Variants in GABRG3 observed in about 807,000 individuals in gnomAD.
GABRG3 encodes the protein gamma-aminobutyric acid receptor subunit gamma-3.
Under a neutral mutation model 48.8 loss-of-function variants are expected in GABRG3, and 25 were observed. That is an observed-to-expected ratio of 0.51 (90% CI 0.37 to 0.72). The LOEUF (loss-of-function observed/expected upper bound fraction) is 0.72. Among genes scored for constraint, GABRG3 ranks in the 30% least tolerant of loss-of-function variants. The probability of loss-of-function intolerance (pLI) is 0.00; values close to 1 mark genes in which losing one functional copy is unlikely to be tolerated. For missense variants in GABRG3, 394 were observed against 577.9 expected (o/e 0.68, Z 3.26); for synonymous variants, 227 against 217.6 (o/e 1.04, Z -0.38).
chr15:26,973,451 T>C (rs1894881475), intron 1 of GABRG3, among the ~76,000 whole-genome samples: 1 of 152,256 alleles, frequency 6.6e-6, no homozygotes, highest in African/African-American at 2.4e-5. Flanking sequence ...GTGTCTTTGT[T>C]CTCTGAATGG....
intron 5 of GABRG3, chr15:27,419,093 C>G (rs1245920954): frequency 6.6e-6 from 1 of 152,252 alleles, no homozygotes; most frequent in African/African-American, 2.4e-5. Context: ...CACTTTTCAA[C>G]TGCCACATTG....
chr15:27,458,690 C>CA (rs36008927), intron 5 of GABRG3, among the ~76,000 whole-genome samples: 22,439 of 145,556 alleles, frequency 0.15, 2,667 homozygotes, highest in African/African-American at 0.34. Context: ...ATGCCTCTGA[C>CA]AAAAAAAAAA....
At chr15:27,277,517 T>C (rs567282153) in intron 3 of GABRG3, among the ~76,000 whole-genome samples, 1 of 152,314 alleles carries the variant, frequency 6.6e-6, no homozygotes, top group South Asian at 2.1e-4. Context: ...AGGAGATTGA[T>C]AGCCATAATT....
intron 3 of GABRG3, among the ~76,000 whole-genome samples, chr15:27,261,940 G>T (rs560596296): frequency 3.8e-4 from 58 of 152,202 alleles, no homozygotes; most frequent in Non-Finnish European, 7.5e-4. Context: ...TCTTATGTAT[G>T]CCCAAAACCT....
intron 3 of GABRG3, among the ~76,000 whole-genome samples, chr15:27,227,627 C>G (rs546592064): frequency 1.1e-4 from 16 of 152,044 alleles, no homozygotes; most frequent in Non-Finnish European, 1.8e-4. Flanking sequence ...TTCAAGACTC[C>G]AGTGAGCTGT....
At chr15:27,364,114 G>T (rs1895113613) in intron 5 of GABRG3, 1 of 152,220 alleles carries the variant, frequency 6.6e-6, no homozygotes, top group African/African-American at 2.4e-5. Flanking sequence ...ATGTAATTGT[G>T]CAGTGACTTC....
At chr15:27,346,286 T>G (rs1209905005) in intron 5 of GABRG3, among the ~76,000 whole-genome samples, 1 of 152,232 alleles carries the variant, frequency 6.6e-6, no homozygotes, top group Non-Finnish European at 1.5e-5. Flanking sequence ...GAAGTACATT[T>G]GAATTCTTGT....
chr15:27,062,425 C>T (rs1295815989), intron 3 of GABRG3, among the ~76,000 whole-genome samples: 1 of 55,744 alleles, frequency 1.8e-5, no homozygotes, highest in Non-Finnish European at 5.5e-5. Context: ...GGTGAAACTC[C>T]ATCTCTACTA....
chr15:27,234,426 G>T (rs1195653190), intron 3 of GABRG3, among the ~76,000 whole-genome samples: 1 of 152,148 alleles, frequency 6.6e-6, no homozygotes, highest in African/African-American at 2.4e-5. Flanking sequence ...CTGTACAATG[G>T]AAATAACAAT....
chr15:27,455,989 G>T (rs997651505), intron 5 of GABRG3, among the ~76,000 whole-genome samples: 2 of 152,184 alleles, frequency 1.3e-5, no homozygotes, highest in African/African-American at 2.4e-5. Context: ...CTGTGGTTGA[G>T]AGTCCACAGC....
At chr15:27,314,496 A>G (rs1248723523) in intron 3 of GABRG3, among the ~76,000 whole-genome samples, 1 of 152,202 alleles carries the variant, frequency 6.6e-6, no homozygotes, top group Non-Finnish European at 1.5e-5. Context: ...TATGGAAAAC[A>G]GTATGGAGAT....
At chr15:27,401,990 G>T (rs1332995231) in intron 5 of GABRG3, among the ~76,000 whole-genome samples, 2 of 152,010 alleles carry the variant, frequency 1.3e-5, no homozygotes, top group Non-Finnish European at 2.9e-5. Context: ...ACACTGTCAG[G>T]GATTTTTAAA....
intron 3 of GABRG3, among the ~76,000 whole-genome samples, chr15:27,249,290 G>A (rs1262446490): frequency 2.0e-5 from 3 of 152,206 alleles, no homozygotes; most frequent in Non-Finnish European, 2.9e-5. Context: ...GCATGAAACC[G>A]CGGGGCTGGG....
chr15:27,298,204 T>A (rs1892068463), intron 3 of GABRG3, among the ~76,000 whole-genome samples: 1 of 152,186 alleles, frequency 6.6e-6, no homozygotes, highest in African/African-American at 2.4e-5. Context: ...CCCTCTAAGA[T>A]GTTGTCTGTA....
At chr15:27,110,243 A>T (rs1897522974) in intron 3 of GABRG3, among the ~76,000 whole-genome samples, 2 of 152,162 alleles carry the variant, frequency 1.3e-5, no homozygotes, top group Admixed American at 1.3e-4. Context: ...ATGTCAAATT[A>T]CTTTCAAATA....
At chr15:26,998,768 A>G (rs920919493) in intron 2 of GABRG3, among the ~76,000 whole-genome samples, 3 of 152,166 alleles carry the variant, frequency 2.0e-5, no homozygotes, top group African/African-American at 7.2e-5. Flanking sequence ...TACCCAGCAT[A>G]GAGTATCAGA....
intron 5 of GABRG3, among the ~76,000 whole-genome samples, chr15:27,331,678 A>C (rs1163807872): frequency 6.6e-6 from 1 of 152,222 alleles, no homozygotes; most frequent in Non-Finnish European, 1.5e-5. Context: ...GTACAACACT[A>C]AGAATGAATG....
At position 27,054,095 on chromosome 15, in the gene GABRG3, T is replaced by TA. The variant is rs199758364; in HGVS notation, c.270+27282dup. On this transcript the variant is annotated intron_variant, in intron 3 of 9. Transcript: ENST00000615808. ...TAACCTGGTGAAACCCCATCTCTAC[T>TA]AAAAAAAATAGCACGCACCTGTAAT... 1.1e-3 allele frequency among the ~76,000 whole-genome samples: 169 copies of TA among 151,602 alleles called. No homozygotes were observed. The East Asian group carries it at 0.024, about 22-fold the overall frequency.
At chr15:27,054,193 C>T (rs1333777457) in intron 3 of GABRG3, among the ~76,000 whole-genome samples, 4 of 151,382 alleles carry the variant, frequency 2.6e-5, no homozygotes, top group East Asian at 2.0e-4. Context: ...GAGCCGAGAT[C>T]GCACCACTAT....
Sources: allele counts gnomAD v4.1 joint callset (sites outside exome capture counted in the v4.1 genomes callset), GRCh38; gene constraint gnomAD v4.1.1; transcripts MANE v1.5; gene names NCBI Gene and HGNC (gene_info 2026-07-23, HGNC 2026-07-21).